STAG1: variants seen among roughly 807,000 people sequenced by gnomAD.
STAG1 encodes the protein STAG1 cohesin complex component.
STAG1 carries 26 observed loss-of-function variants against 170.9 expected under a neutral mutation model. That is an observed-to-expected ratio of 0.15 (90% CI 0.11 to 0.21). The LOEUF is 0.21. STAG1 is among the 10% of genes least tolerant of loss of function. The pLI is 1.00. For missense variants in STAG1, 964 were observed against 1,509.5 expected, an observed-to-expected ratio of 0.64 and a Z score of 5.99; for synonymous variants, 514 against 497.7, an observed-to-expected ratio of 1.03 and a Z score of -0.44.
intron 13 of STAG1, among the ~76,000 whole-genome samples, chr3:136,459,013 A>G (rs1028273570): frequency 1.3e-5 from 2 of 152,096 alleles, no homozygotes; most frequent in Non-Finnish European, 2.9e-5. Flanking sequence ...AGGTCAAGAG[A>G]TGGAGACCAT....
intron 1 of STAG1, among the ~76,000 whole-genome samples, chr3:136,636,502 T>C (rs867990811): frequency 3.3e-5 from 5 of 152,170 alleles, no homozygotes; most frequent in South Asian, 4.1e-4. Flanking sequence ...AAATCAAGTA[T>C]ATTAACAGAA....
rs145564695 is a variant in STAG1 at position 136,344,600 on chromosome 3, C to G, written c.3272-594G>C. ...CCCTGATTACCCCTACCCAACCCCC[C>G]ACTTACCATTCTTTGTTTAAACTTT... On this transcript the variant is annotated intron_variant, in intron 29 of 33. Coordinates refer to ENST00000383202, the MANE Select transcript of STAG1 (RefSeq NM_005862.3). Among the ~76,000 whole-genome samples the G allele has an allele frequency of 6.4e-3, 971 of 152,154 alleles. 12 individuals carry two copies. Among genetic ancestry groups the G allele is most frequent in the African/African-American group, 0.022 (924 of 41,510 alleles).
At chr3:136,339,764 CAT>C (rs759096622) in intron 32 of STAG1, among the ~76,000 whole-genome samples, 11 of 152,242 alleles carry the variant, frequency 7.2e-5, no homozygotes, top group East Asian at 1.9e-4. Context: ...TTGAAAAAAA[CAT>C]AAACACCATG....
chr3:136,522,923 A>T (rs1436033768), intron 6 of STAG1, among the ~76,000 whole-genome samples: 3 of 152,240 alleles, frequency 2.0e-5, no homozygotes, highest in Admixed American at 2.0e-4. Flanking sequence ...GCTGCATATT[A>T]TTCCACAGTG....
At chr3:136,607,506 G>A (rs1472530266) in intron 3 of STAG1, among the ~76,000 whole-genome samples, 8 of 152,188 alleles carry the variant, frequency 5.3e-5, no homozygotes, top group Middle Eastern at 3.4e-3. Context: ...GGGTTCAAGC[G>A]ATTCTTCTGC....
intron 7 of STAG1, among the ~76,000 whole-genome samples, chr3:136,518,834 C>CA (rs1190212571): frequency 6.6e-6 from 1 of 151,886 alleles, no homozygotes; most frequent in Non-Finnish European, 1.5e-5. Context: ...CAGGTGAAAA[C>CA]AAAATCACAT....
intron 9 of STAG1, among the ~76,000 whole-genome samples, chr3:136,495,342 T>C (rs1003520577): frequency 6.6e-6 from 1 of 152,052 alleles, no homozygotes; most frequent in African/African-American, 2.4e-5. Flanking sequence ...GACAAAATGA[T>C]TAAACTTCGA....
chr3:136,378,386 T>G (rs77385805), intron 22 of STAG1, among the ~76,000 whole-genome samples: 4 of 152,204 alleles, frequency 2.6e-5, no homozygotes, highest in African/African-American at 2.4e-5. Flanking sequence ...TAAGGAACAT[T>G]TGAAAAGTCC....
At chr3:136,524,858 G>C (rs563457107) in intron 6 of STAG1, among the ~76,000 whole-genome samples, 1 of 152,246 alleles carries the variant, frequency 6.6e-6, no homozygotes, top group Admixed American at 6.5e-5. Context: ...ATAATCATGT[G>C]GTTTTTGTCT....
intron 1 of STAG1, chr3:136,736,576 G>A (rs896846495): frequency 1.3e-6 from 2 of 1,521,916 alleles, no homozygotes; most frequent in African/African-American, 2.7e-5. Context: ...GTATTGGCTT[G>A]GAAGTTTCGC....
chr3:136,433,727 ACATT>A, intron 15 of STAG1, 68 bp from the exon 16 acceptor site: 1 of 1,067,036 alleles, frequency 9.4e-7, no homozygotes, highest in Non-Finnish European at 1.4e-6. Context: ...AAAAATGAAC[ACATT>A]ATTAAAAAAA....
chr3:136,597,164 TTAGTA>T (rs1001469338), intron 4 of STAG1, among the ~76,000 whole-genome samples: 8 of 152,246 alleles, frequency 5.3e-5, no homozygotes, highest in African/African-American at 1.4e-4. Flanking sequence ...TATTTTTTTG[TTAGTA>T]TAAACAAAGC....
chr3:136,585,373 C>T (rs764636964), intron 4 of STAG1, among the ~76,000 whole-genome samples: 4 of 151,858 alleles, frequency 2.6e-5, no homozygotes, highest in Non-Finnish European at 2.9e-5. Context: ...ACCCGGGAGG[C>T]GGAGGTTGCA....
chr3:136,397,411 C>T (rs2087196394), intron 22 of STAG1, among the ~76,000 whole-genome samples: 1 of 151,828 alleles, frequency 6.6e-6, no homozygotes, highest in Admixed American at 6.6e-5. Flanking sequence ...TGGGGATTAC[C>T]ACCATTATAG....
At chr3:136,500,175 T>C (rs1056181901) in intron 9 of STAG1, 48 bp downstream of exon 9, 25 of 1,230,224 alleles carry the variant, frequency 2.0e-5, no homozygotes, top group Non-Finnish European at 2.6e-5. Flanking sequence ...AAAAAATCAA[T>C]AATTGTTTAA....
At position 136,428,284 on chromosome 3, in the gene STAG1, G is replaced by C. The variant is rs534111858; in HGVS notation, c.1651-5240C>G. On this transcript the variant is annotated intron_variant, in intron 16 of 33. Coordinates refer to ENST00000383202, the MANE Select transcript of STAG1 (RefSeq NM_005862.3). ...AAACATCAGCTGCCTGTCTTTTTTT[G>C]CCAGTAATGTCTAACAAGAAGGCCT... Among the ~76,000 whole-genome samples, 1,137 of 151,964 alleles carry C rather than the reference G, an allele frequency of 7.5e-3. 17 individuals are homozygous for C. Among genetic ancestry groups the C allele is most frequent in the African/African-American group, 0.026 (1,085 of 41,464 alleles).
At chr3:136,622,420 G>GA (rs748297742) in intron 3 of STAG1, among the ~76,000 whole-genome samples, 13 of 151,784 alleles carry the variant, frequency 8.6e-5, no homozygotes, top group African/African-American at 1.2e-4. Context: ...ACATAGGATG[G>GA]AAAAAAAGGA....
intron 3 of STAG1, among the ~76,000 whole-genome samples, chr3:136,617,991 T>C (rs933038342): frequency 6.6e-6 from 1 of 152,262 alleles, no homozygotes; most frequent in African/African-American, 2.4e-5. Flanking sequence ...CCATCTTCTA[T>C]GTATGAATAG....
At chr3:136,503,918 G>A (rs1026962129) in intron 7 of STAG1, among the ~76,000 whole-genome samples, 4 of 151,916 alleles carry the variant, frequency 2.6e-5, no homozygotes, top group Non-Finnish European at 5.9e-5. Context: ...GTATTTTTTA[G>A]TAGAGACAGG....
Sources: allele counts gnomAD v4.1 joint callset (sites outside exome capture counted in the v4.1 genomes callset), GRCh38; gene constraint gnomAD v4.1.1; transcripts MANE v1.5; gene names NCBI Gene and HGNC (gene_info 2026-07-23, HGNC 2026-07-21).